Variants in GPC6 observed in about 807,000 individuals in gnomAD.
The protein encoded by GPC6 is glypican-6.
GPC6 carries 14 observed loss-of-function variants against 55.2 expected under a neutral mutation model. That is an observed-to-expected ratio of 0.25 (90% confidence interval 0.17 to 0.40). The LOEUF is 0.40. Ranked by LOEUF, GPC6 falls within the 10% of genes least tolerant of loss-of-function variation. GPC6 has a pLI of 1.00. For missense variants in GPC6, 641 were observed against 708.5 expected (o/e 0.90, Z 1.08); for synonymous variants, 278 against 259.6 (o/e 1.07, Z -0.68).
At chr13:93,593,127 A>G (rs1013977783) in intron 2 of GPC6, among the ~76,000 whole-genome samples, 3 of 152,164 alleles carry the variant, frequency 2.0e-5, no homozygotes, top group African/African-American at 7.2e-5. Context: ...ATTTGAAAAA[A>G]TGACTGTATT....
chr13:93,897,899 C>T (rs1433318628), intron 3 of GPC6, among the ~76,000 whole-genome samples: 1 of 152,052 alleles, frequency 6.6e-6, no homozygotes, highest in Non-Finnish European at 1.5e-5. Context: ...CTACACTTTC[C>T]CAATTCCCTA....
chr13:93,305,364 A>G (rs1016786700), intron 1 of GPC6, among the ~76,000 whole-genome samples: 2 of 152,130 alleles, frequency 1.3e-5, no homozygotes, highest in Non-Finnish European at 2.9e-5. Context: ...TCAGCACCTG[A>G]TGGGTATCTC....
chr13:94,130,143 A>G (rs1300084520), intron 4 of GPC6, among the ~76,000 whole-genome samples: 1 of 152,150 alleles, frequency 6.6e-6, no homozygotes, highest in African/African-American at 2.4e-5. Context: ...TAAAACTCAG[A>G]TGAACACACA....
intron 3 of GPC6, among the ~76,000 whole-genome samples, chr13:93,901,398 C>T (rs903949515): frequency 2.6e-5 from 4 of 151,622 alleles, no homozygotes; most frequent in South Asian, 2.1e-4. Flanking sequence ...GTGTGTGAAC[C>T]GAAGTGACTT....
At chr13:93,827,597 T>C (rs1231053865) in intron 2 of GPC6, among the ~76,000 whole-genome samples, 1 of 152,182 alleles carries the variant, frequency 6.6e-6, no homozygotes, top group Non-Finnish European at 1.5e-5. Flanking sequence ...CATGTAATGA[T>C]TTTTAACAAG....
At chr13:93,625,815 G>A (rs1879177666) in intron 2 of GPC6, among the ~76,000 whole-genome samples, 1 of 152,182 alleles carries the variant, frequency 6.6e-6, no homozygotes, top group Admixed American at 6.5e-5. Flanking sequence ...CTTTGGAGGA[G>A]TTAGTATACT....
chr13:94,114,594 G>T (rs180949531), intron 4 of GPC6, among the ~76,000 whole-genome samples: 2 of 152,190 alleles, frequency 1.3e-5, no homozygotes, highest in African/African-American at 4.8e-5. Flanking sequence ...GATAGTGGGT[G>T]GGGTTGGGAG....
intron 6 of GPC6, among the ~76,000 whole-genome samples, chr13:94,311,630 A>C (rs1212757637): frequency 1.3e-5 from 2 of 152,240 alleles, no homozygotes; most frequent in Non-Finnish European, 2.9e-5. Flanking sequence ...CACAATGTCT[A>C]AAATCCCTTC....
At chr13:94,150,543 A>G (rs1887701201) in intron 4 of GPC6, among the ~76,000 whole-genome samples, 1 of 151,954 alleles carries the variant, frequency 6.6e-6, no homozygotes, top group Admixed American at 6.6e-5. Flanking sequence ...TAAATGCAAT[A>G]TACTTTTCTT....
chr13:93,603,955 G>A (rs1399746547), intron 2 of GPC6, among the ~76,000 whole-genome samples: 1 of 152,078 alleles, frequency 6.6e-6, no homozygotes, highest in East Asian at 1.9e-4. Flanking sequence ...CAAAAAATCT[G>A]GAATAGAAAA....
At chr13:93,315,865 G>C (rs753187496) in intron 1 of GPC6, among the ~76,000 whole-genome samples, 1 of 151,754 alleles carries the variant, frequency 6.6e-6, no homozygotes, top group Non-Finnish European at 1.5e-5. Context: ...AAGATATTTT[G>C]TTGATGACAT....
rs950129957 is a variant in GPC6 at position 93,439,278 on chromosome 13, C to G, written c.161-105985C>G. Among the ~76,000 whole-genome samples the G allele has an allele frequency of 2.0e-5, 3 of 152,076 alleles. No individual in the cohort carries two copies. The South Asian group carries it at 6.2e-4, about 31-fold the overall frequency. On this transcript the variant is annotated intron_variant, in intron 1 of 8. Transcript: ENST00000377047. ...GGCATTGTCCCCACCCAAATCTCAT[C>G]CTGAATTGGAGCTCCCACAATTCCC...
At chr13:94,192,650 T>G (rs1004626163) in intron 4 of GPC6, among the ~76,000 whole-genome samples, 3 of 152,186 alleles carry the variant, frequency 2.0e-5, no homozygotes, top group Non-Finnish European at 2.9e-5. Flanking sequence ...TATGTACACT[T>G]GTATGCAGAG....
intron 3 of GPC6, among the ~76,000 whole-genome samples, chr13:93,857,654 G>T (rs1888666469): frequency 6.6e-6 from 1 of 151,516 alleles, no homozygotes; most frequent in East Asian, 2.0e-4. Context: ...TTATTTATAG[G>T]ACTGTTGGTA....
At chr13:93,726,225 G>A (rs751182656) in intron 2 of GPC6, among the ~76,000 whole-genome samples, 2 of 151,094 alleles carry the variant, frequency 1.3e-5, no homozygotes, top group Non-Finnish European at 2.9e-5. Context: ...TCTCTGATTC[G>A]TGTATCGAAC....
intron 4 of GPC6, among the ~76,000 whole-genome samples, chr13:94,164,751 C>T (rs1385647229): frequency 2.0e-5 from 3 of 151,966 alleles, no homozygotes; most frequent in Admixed American, 2.0e-4. Context: ...CACTCTGCTA[C>T]CTATGGACAG....
chr13:94,176,462 A>C (rs762288711), intron 4 of GPC6, among the ~76,000 whole-genome samples: 3 of 152,192 alleles, frequency 2.0e-5, no homozygotes, highest in Non-Finnish European at 4.4e-5. Context: ...TCCCCAAAGC[A>C]AAGCCTTTCC....
chr13:93,595,003 C>T (rs931525232), intron 2 of GPC6, among the ~76,000 whole-genome samples: 2 of 152,006 alleles, frequency 1.3e-5, no homozygotes, highest in African/African-American at 4.8e-5. Context: ...ACCATAGCAA[C>T]CAATAGGGCC....
intron 4 of GPC6, among the ~76,000 whole-genome samples, chr13:94,181,268 AG>A (rs1456762456): frequency 6.6e-6 from 1 of 152,158 alleles, no homozygotes; most frequent in Admixed American, 6.5e-5. Flanking sequence ...TTTGTGGCTC[AG>A]GGTCGCCATC....
Sources: allele counts gnomAD v4.1 joint callset (sites outside exome capture counted in the v4.1 genomes callset), GRCh38; gene constraint gnomAD v4.1.1; transcripts MANE v1.5; gene names NCBI Gene and HGNC (gene_info 2026-07-23, HGNC 2026-07-21).